The following NFATC3 variants were observed in gnomAD, a reference collection of about 807,000 sequenced individuals.
The protein encoded by NFATC3 is nuclear factor of activated T cells 3.
A neutral mutation model predicts 98.6 loss-of-function variants in NFATC3; 46 were observed. The ratio of observed to expected loss-of-function variants is 0.47; its 90% confidence interval spans 0.37 to 0.60. The LOEUF (loss-of-function observed/expected upper bound fraction) is 0.60, where lower values mean the gene tolerates loss of function less well. NFATC3 is among the 20% of genes least tolerant of loss of function. The pLI is 0.00. For missense variants in NFATC3, 1,256 were observed against 1,295.5 expected, an observed-to-expected ratio of 0.97 and a Z score of 0.47; for synonymous variants, 512 against 472.2, an observed-to-expected ratio of 1.08 and a Z score of -1.09.
intron 1 of NFATC3, among the ~76,000 whole-genome samples, chr16:68,086,383 A>AT (rs552208307): frequency 1.5e-4 from 22 of 150,214 alleles, no homozygotes; most frequent in East Asian, 9.7e-4. Flanking sequence ...GTTCCGGAAG[A>AT]TTTTTTTTTT....
intron 3 of NFATC3, among the ~76,000 whole-genome samples, chr16:68,146,371 G>C (rs2038040270): frequency 6.6e-6 from 1 of 151,310 alleles, no homozygotes; most frequent in Non-Finnish European, 1.5e-5. Context: ...GGAGTTTAAG[G>C]CCAGCCTGGG....
At position 68,183,347 on chromosome 16, in the gene NFATC3, A is replaced by G. The variant is rs778103973; in HGVS notation, c.2079A>G (p.Gln693=). The change falls in exon 8 of 10, where the codon CAA becomes CAG. Residue 693 remains glutamine, a synonymous_variant. Coordinates refer to ENST00000346183, the MANE Select transcript of NFATC3 (RefSeq NM_173165.3). ...GCAAGAGGAAAAAAAGCCAGTCTCA[A>G]CGTTTTACTTATACACCAGGTACGA... ...CNGKRKKSQS[Q]RFTYTPVLMK... 4 of 1,613,296 alleles carry G rather than the reference A, an allele frequency of 2.5e-6. No individual in the cohort carries two copies. In the African/African-American group the frequency reaches 5.3e-5, roughly 22 times the overall value.
chr16:68,090,971 T>C (rs2034678193), intron 1 of NFATC3, among the ~76,000 whole-genome samples: 1 of 152,198 alleles, frequency 6.6e-6, no homozygotes, highest in South Asian at 2.1e-4. Flanking sequence ...AGGATGCTTC[T>C]GGGGGTAACT....
intron 3 of NFATC3, among the ~76,000 whole-genome samples, chr16:68,135,376 TGA>T (rs200202831): frequency 0.039 from 5,638 of 143,806 alleles, 117 homozygotes; most frequent in Middle Eastern, 0.15. Flanking sequence ...GAGAATGGTG[TGA>T]ACCCGGGAGG....
intron 9 of NFATC3, among the ~76,000 whole-genome samples, chr16:68,196,454 A>AT (rs2040674953): frequency 6.6e-6 from 1 of 152,140 alleles, no homozygotes. Flanking sequence ...AATTTGACTC[A>AT]TTTATTATGA....
At chr16:68,207,875 G>T (rs916846099) in intron 9 of NFATC3, among the ~76,000 whole-genome samples, 1 of 151,892 alleles carries the variant, frequency 6.6e-6, no homozygotes, top group African/African-American at 2.4e-5. Context: ...GCCAACACAT[G>T]TTATTTTCCA....
chr16:68,162,223 C>A (rs1228417884), intron 4 of NFATC3, among the ~76,000 whole-genome samples: 1 of 152,208 alleles, frequency 6.6e-6, no homozygotes, highest in Non-Finnish European at 1.5e-5. Flanking sequence ...TAAGGGGCAA[C>A]TAGGATGTTA....
chr16:68,217,389 C>T (rs1445557230), intron 9 of NFATC3, among the ~76,000 whole-genome samples: 8 of 149,838 alleles, frequency 5.3e-5, no homozygotes, highest in Non-Finnish European at 1.0e-4. Flanking sequence ...CAAGATCACG[C>T]CACTGCACTC....
chr16:68,105,490 C>G (rs374630608), intron 1 of NFATC3, among the ~76,000 whole-genome samples: 1 of 152,018 alleles, frequency 6.6e-6, no homozygotes, highest in African/African-American at 2.4e-5. Context: ...CACATTTGGT[C>G]TTTTTTAATG....
intron 3 of NFATC3, among the ~76,000 whole-genome samples, chr16:68,139,625 T>C (rs2037637950): frequency 6.6e-6 from 1 of 152,366 alleles, no homozygotes; most frequent in Middle Eastern, 3.4e-3. Context: ...TTTGAAATGA[T>C]GAGGGAATGC....
intron 1 of NFATC3, among the ~76,000 whole-genome samples, chr16:68,113,291 T>A (rs2036082087): frequency 6.6e-6 from 1 of 152,030 alleles, no homozygotes. Context: ...TGTGTTGATG[T>A]TGTTGTTGTT....
intron 8 of NFATC3, among the ~76,000 whole-genome samples, chr16:68,185,641 C>T (rs896480525): frequency 5.3e-5 from 8 of 151,854 alleles, no homozygotes; most frequent in Non-Finnish European, 7.4e-5. Flanking sequence ...TTTGGGAGGC[C>T]GAGGTGGGCG....
intron 9 of NFATC3, among the ~76,000 whole-genome samples, chr16:68,208,017 T>C (rs2151150424): frequency 6.6e-6 from 1 of 152,272 alleles, no homozygotes; most frequent in East Asian, 1.9e-4. Flanking sequence ...TTTTCTTGTC[T>C]ATCCAAATCC....
At chr16:68,179,794 A>T (rs2039877128) in intron 6 of NFATC3, among the ~76,000 whole-genome samples, 1 of 152,220 alleles carries the variant, frequency 6.6e-6, no homozygotes, top group South Asian at 2.1e-4. Flanking sequence ...TATCTAAAAA[A>T]TATTTTGACA....
chr16:68,170,466 T>C (rs2039406860), intron 5 of NFATC3, among the ~76,000 whole-genome samples: 1 of 150,692 alleles, frequency 6.6e-6, no homozygotes, highest in Non-Finnish European at 1.5e-5. Flanking sequence ...TATTTATATA[T>C]AGTCAGTATT....
intron 6 of NFATC3, among the ~76,000 whole-genome samples, chr16:68,177,211 C>T (rs2039758870): frequency 1.3e-5 from 2 of 151,886 alleles, no homozygotes; most frequent in Non-Finnish European, 2.9e-5. Context: ...CCACGCCTGG[C>T]TAATTTTTGT....
At chr16:68,130,006 G>A (rs1031072360) in intron 3 of NFATC3, among the ~76,000 whole-genome samples, 4 of 152,028 alleles carry the variant, frequency 2.6e-5, no homozygotes, top group African/African-American at 9.7e-5. Context: ...TGGTGGGATA[G>A]TATTCAATTG....
intron 9 of NFATC3, among the ~76,000 whole-genome samples, chr16:68,193,493 C>T (rs1408245814): frequency 6.6e-6 from 1 of 151,996 alleles, no homozygotes; most frequent in East Asian, 1.9e-4. Flanking sequence ...AATGAGACCT[C>T]ATTTCTACCA....
At chr16:68,224,257 C>G (rs1412671254) in intron 9 of NFATC3, among the ~76,000 whole-genome samples, 1 of 150,850 alleles carries the variant, frequency 6.6e-6, no homozygotes, top group Non-Finnish European at 1.5e-5. Context: ...TCAGTACTAA[C>G]CACAGCTAAG....
Sources: allele counts gnomAD v4.1 joint callset (sites outside exome capture counted in the v4.1 genomes callset), GRCh38; gene constraint gnomAD v4.1.1; transcripts MANE v1.5; gene names NCBI Gene and HGNC (gene_info 2026-07-23, HGNC 2026-07-21).